The following RTN1 variants were observed in gnomAD, a reference collection of about 807,000 sequenced individuals.
RTN1 encodes the protein reticulon-1.
In RTN1, 25 loss-of-function variants were observed where a neutral mutation model predicts 65.5. That is an observed-to-expected ratio of 0.38 (90% CI 0.28 to 0.53). The LOEUF is 0.53. Among genes scored for constraint, RTN1 ranks in the 20% least tolerant of loss-of-function variants. The pLI, the probability that RTN1 is intolerant of heterozygous loss-of-function variation, is 0.79. For missense variants in RTN1, 983 were observed against 1,025.4 expected (o/e 0.96, Z 0.57); for synonymous variants, 471 against 447.6 (o/e 1.05, Z -0.66).
chr14:59,678,006 T>G lies in RTN1; in HGVS notation c.1765+48913A>C, dbSNP rs112740981. On this transcript the variant is annotated intron_variant, in intron 3 of 8. Transcript: ENST00000267484. ...TCCCAGGATCTTGGCATCTAAATGC[T>G]ATTCTAGGCATTTTAGAAAAATAAA... Among the ~76,000 whole-genome samples the G allele has an allele frequency of 4.1e-3, 623 of 152,340 alleles. 3 individuals carry two copies. The highest frequency in any genetic ancestry group is 0.015 in the African/African-American group (606 of 41,564).
chr14:59,728,589 C>T (rs539680199), intron 2 of RTN1, among the ~76,000 whole-genome samples: 72 of 152,218 alleles, frequency 4.7e-4, no homozygotes, highest in Non-Finnish European at 8.7e-4. Context: ...TCAAGAGTCT[C>T]GTTTTCCCTT....
intron 2 of RTN1, among the ~76,000 whole-genome samples, chr14:59,742,990 T>C (rs762480206): frequency 2.0e-5 from 3 of 152,224 alleles, no homozygotes; most frequent in Non-Finnish European, 4.4e-5. Context: ...CATATGACTC[T>C]GGTATTTTGA....
chr14:59,844,104 A>G (rs937384439), intron 1 of RTN1, among the ~76,000 whole-genome samples: 2 of 152,130 alleles, frequency 1.3e-5, no homozygotes, highest in African/African-American at 4.8e-5. Context: ...CCTTTCTGGG[A>G]AAAAGAACAA....
chr14:59,763,850 A>C (rs186115060), intron 1 of RTN1, among the ~76,000 whole-genome samples: 22 of 152,252 alleles, frequency 1.4e-4, no homozygotes, highest in Non-Finnish European at 2.9e-4. Context: ...ACAAAATTTT[A>C]ATCAACTGTA....
At chr14:59,610,960 C>T (rs545561721) in intron 3 of RTN1, among the ~76,000 whole-genome samples, 122 of 152,296 alleles carry the variant, frequency 8.0e-4, no homozygotes, top group Middle Eastern at 6.8e-3. Context: ...TGCTTTGACT[C>T]CCTATGATTT....
chr14:59,796,984 G>T (rs1886451962), intron 1 of RTN1, among the ~76,000 whole-genome samples: 1 of 152,116 alleles, frequency 6.6e-6, no homozygotes, highest in South Asian at 2.1e-4. Context: ...GTATGTTAAG[G>T]TTATATATGA....
At chr14:59,601,416 G>A (rs936821806) in intron 8 of RTN1, among the ~76,000 whole-genome samples, 9 of 152,086 alleles carry the variant, frequency 5.9e-5, no homozygotes, top group Admixed American at 3.9e-4. Context: ...TAGCTCTACT[G>A]TACTTATTAT....
intron 2 of RTN1, among the ~76,000 whole-genome samples, chr14:59,739,547 A>G (rs1885074202): frequency 6.6e-6 from 1 of 151,318 alleles, no homozygotes; most frequent in South Asian, 2.1e-4. Context: ...TCTCAAAAAA[A>G]AAAAAAAAAT....
Position 59,766,623 on chromosome 14 carries a change from T to C in RTN1, c.242-20142A>G, listed in dbSNP as rs1177856414. Among the ~76,000 whole-genome samples the C allele has an allele frequency of 3.9e-5, 6 of 152,188 alleles. No individual in the cohort carries two copies. The highest frequency in any genetic ancestry group is 1.4e-4 in the African/African-American group (6 of 41,446). ...AGTGAAAATGCTTCAGATTTCTTCC[T>C]TGAATGGCAAGATAACAGTTTCAAT... is the stretch of plus-strand genomic sequence containing the variant. On this transcript the variant is annotated intron_variant, in intron 1 of 8. Coordinates refer to ENST00000267484, the MANE Select transcript of RTN1 (RefSeq NM_021136.3). The surrounding 1 kb of genome is among the most constrained non-coding windows in gnomAD (Gnocchi z 4.4).
At chr14:59,679,172 GT>G (rs1883692463) in intron 3 of RTN1, among the ~76,000 whole-genome samples, 1 of 152,186 alleles carries the variant, frequency 6.6e-6, no homozygotes, top group African/African-American at 2.4e-5. Context: ...ATTATCATGT[GT>G]AATTGTTAGG....
intron 2 of RTN1, among the ~76,000 whole-genome samples, chr14:59,728,185 G>T (rs145426399): frequency 6.6e-6 from 1 of 151,458 alleles, no homozygotes; most frequent in South Asian, 2.1e-4. Context: ...AGACAAAGCA[G>T]GTAGTTTTGA....
At chr14:59,728,733 A>G (rs1040851540) in intron 2 of RTN1, among the ~76,000 whole-genome samples, 1 of 152,206 alleles carries the variant, frequency 6.6e-6, no homozygotes, top group Non-Finnish European at 1.5e-5. Context: ...AAATGGATAA[A>G]ACATTTTAGA....
intron 3 of RTN1, among the ~76,000 whole-genome samples, chr14:59,637,758 T>G (rs1306908403): frequency 6.6e-6 from 1 of 152,038 alleles, no homozygotes; most frequent in African/African-American, 2.4e-5. Context: ...ACTCTTGTTA[T>G]GGAGGATGAC....
At chr14:59,760,104 A>G (rs1416436263) in intron 1 of RTN1, among the ~76,000 whole-genome samples, 1 of 152,240 alleles carries the variant, frequency 6.6e-6, no homozygotes, top group Non-Finnish European at 1.5e-5. Context: ...TCAAATATCC[A>G]TCAACAAAGC....
At chr14:59,626,996 T>TA (rs1026460119) in intron 3 of RTN1, among the ~76,000 whole-genome samples, 13 of 152,280 alleles carry the variant, frequency 8.5e-5, no homozygotes, top group African/African-American at 3.1e-4. Context: ...TTCTCTAACT[T>TA]AGTGTTAGTA....
chr14:59,639,659 T>C (rs1195379816), intron 3 of RTN1, among the ~76,000 whole-genome samples: 2 of 152,232 alleles, frequency 1.3e-5, no homozygotes, highest in African/African-American at 4.8e-5. Context: ...AGTATGATGT[T>C]GGCTGTGAGT....
chr14:59,814,657 CTT>C (rs1201215816), intron 1 of RTN1, among the ~76,000 whole-genome samples: 2 of 152,234 alleles, frequency 1.3e-5, no homozygotes, highest in African/African-American at 4.8e-5. Flanking sequence ...TCAACATACT[CTT>C]TGAGAAAACC....
chr14:59,858,578 A>C (rs1229850851), intron 1 of RTN1, among the ~76,000 whole-genome samples: 1 of 152,160 alleles, frequency 6.6e-6, no homozygotes, highest in Non-Finnish European at 1.5e-5. Flanking sequence ...AGAAAGCAAG[A>C]ATTTGGTCTA....
rs1271805921 is a variant in RTN1 at position 59,790,862 on chromosome 14, T to C, written c.242-44381A>G. ...ACTGGTTATTTGAAGCCCTTTCTTT[T>C]ATGTTCACTGATTATTTGAAGCCTT... On this transcript the variant is annotated intron_variant, in intron 1 of 8. Coordinates refer to ENST00000267484, the MANE Select transcript of RTN1 (RefSeq NM_021136.3). This position sits in a 1 kb window ranked among gnomAD's most constrained non-coding sequence, Gnocchi z 4.1. Among the ~76,000 whole-genome samples the C allele has an allele frequency of 6.6e-6, 1 of 152,114 alleles. No individual in the cohort carries two copies. The highest frequency in any genetic ancestry group is 1.5e-5 in the Non-Finnish European group (1 of 67,986).
Sources: allele counts gnomAD v4.1 joint callset (sites outside exome capture counted in the v4.1 genomes callset), GRCh38; gene constraint gnomAD v4.1.1; non-coding constraint Gnocchi (gnomAD v3.1); transcripts MANE v1.5; gene names NCBI Gene and HGNC (gene_info 2026-07-23, HGNC 2026-07-21).